Variants in KIF13A observed in about 807,000 individuals in gnomAD.
The protein encoded by KIF13A is kinesin-like protein KIF13A.
A neutral mutation model predicts 212.2 loss-of-function variants in KIF13A; 79 were observed. The observed-to-expected ratio is 0.37, with a 90% confidence interval of 0.31 to 0.45. KIF13A has a LOEUF of 0.45. Ranked by LOEUF, KIF13A falls within the 20% of genes least tolerant of loss-of-function variation. KIF13A has a pLI of 1.00. For missense variants in KIF13A, 1,901 were observed against 2,209.0 expected (o/e 0.86, Z 2.79); for synonymous variants, 789 against 808.6 (o/e 0.98, Z 0.41).
intron 20 of KIF13A, among the ~76,000 whole-genome samples, chr6:17,803,082 C>T (rs1294361613): frequency 6.6e-6 from 1 of 151,774 alleles, no homozygotes; most frequent in Non-Finnish European, 1.5e-5. Flanking sequence ...TACAGGTGCC[C>T]GCCACTAAGC....
intron 18 of KIF13A, among the ~76,000 whole-genome samples, chr6:17,806,497 C>A (rs1302037923): frequency 6.6e-6 from 1 of 152,182 alleles, no homozygotes; most frequent in African/African-American, 2.4e-5. Flanking sequence ...CATTTTCTAG[C>A]TTGCTTGCTG....
chr6:17,826,664 T>C lies in KIF13A; in HGVS notation c.1533-540A>G, dbSNP rs1471740240. The stretch of plus-strand genomic sequence containing the variant: ...GTTAAAAGAGATCTAAGAGGAATAC[T>C]ATAAAACAATGGTAGGATCTTATCT... On this transcript the variant is annotated intron_variant, in intron 14 of 38. Transcript: ENST00000259711. This position sits in a 1 kb window ranked among gnomAD's most constrained non-coding sequence, Gnocchi z 4.7. 1.3e-5 allele frequency among the ~76,000 whole-genome samples: 2 copies of C among 152,056 alleles called. No homozygotes were observed. Among genetic ancestry groups the C allele is most frequent in the East Asian group, 1.9e-4 (1 of 5,190 alleles).
chr6:17,761,573 G>C (rs1203313639), downstream of KIF13A, among the ~76,000 whole-genome samples: 1 of 152,042 alleles, frequency 6.6e-6, no homozygotes, highest in Non-Finnish European at 1.5e-5. Flanking sequence ...AGTAGAGACA[G>C]GGTTTCTCCA....
chr6:17,804,837 A>AAAAAAAAAAAAAAAAAC (rs1762801269), intron 19 of KIF13A, among the ~76,000 whole-genome samples: 1 of 143,620 alleles, frequency 7.0e-6, no homozygotes, highest in Non-Finnish European at 1.5e-5. Context: ...AAAAAAAAAA[A>AAAAAAAAAAAAAAAAAC]AAAAAAAAGA....
rs778625971 is a variant in KIF13A at position 17,786,101 on chromosome 6, G to C, written c.3362-460C>G. ...CTGCAAGCCAGAAATAGCAGAAAGA[G>C]CATTGGAACAGCAATTATGAGACTG... On this transcript the variant is annotated intron_variant, in intron 27 of 38. Coordinates refer to ENST00000259711, the MANE Select transcript of KIF13A (RefSeq NM_022113.6). The surrounding 1 kb of genome is among the most constrained non-coding windows in gnomAD (Gnocchi z 5.4). 2.2e-4 allele frequency among the ~76,000 whole-genome samples: 33 copies of C among 152,192 alleles called. No homozygotes were observed. Among genetic ancestry groups the C allele is most frequent in the Admixed American group, 6.5e-4 (10 of 15,276 alleles).
At chr6:17,822,632 G>A (rs935703179) in intron 16 of KIF13A, among the ~76,000 whole-genome samples, 3 of 152,208 alleles carry the variant, frequency 2.0e-5, no homozygotes, top group African/African-American at 7.2e-5. Flanking sequence ...TTAGCGACTA[G>A]AGATGTCTAG....
At position 17,967,673 on chromosome 6, in the gene KIF13A, C is replaced by G. The variant is rs1779444166; in HGVS notation, c.146+19381G>C. ...TAAGCTGCTCCCCATCTTTTACTCT[C>G]CAAAGGAAAGACCTGCAGTGTTAGG... On this transcript the variant is annotated intron_variant, in intron 2 of 38. Transcript: ENST00000259711. The surrounding 1 kb of genome is among the most constrained non-coding windows in gnomAD (Gnocchi z 4.1). 6.6e-6 allele frequency among the ~76,000 whole-genome samples: 1 copy of G among 152,178 alleles called. No individual in the cohort carries two copies. The highest frequency in any genetic ancestry group is 1.5e-5 in the Non-Finnish European group (1 of 68,026).
chr6:17,948,660 C>CA (rs1467188840), intron 2 of KIF13A, among the ~76,000 whole-genome samples: 3 of 139,208 alleles, frequency 2.2e-5, no homozygotes, highest in Non-Finnish European at 4.5e-5. Context: ...CCTCCAGGTT[C>CA]AAGCGATTCT....
chr6:17,824,159 G>A (rs1455175855), intron 16 of KIF13A, among the ~76,000 whole-genome samples: 1 of 150,316 alleles, frequency 6.7e-6, no homozygotes, highest in Non-Finnish European at 1.5e-5. Flanking sequence ...CTGCCCACCT[G>A]GGCCTCCCAA....
At chr6:17,924,347 G>A (rs79202714) in intron 2 of KIF13A, among the ~76,000 whole-genome samples, 5,317 of 152,208 alleles carry the variant, frequency 0.035, 321 homozygotes, top group African/African-American at 0.12. Flanking sequence ...ATCTCTAGTC[G>A]TGGACTTGAA....
At chr6:17,833,614 G>C (rs1020857055) in intron 12 of KIF13A, among the ~76,000 whole-genome samples, 1 of 151,892 alleles carries the variant, frequency 6.6e-6, no homozygotes, top group Non-Finnish European at 1.5e-5. Context: ...CCAGCACTTT[G>C]GGAGGCTGCG....
intron 38 of KIF13A, among the ~76,000 whole-genome samples, chr6:17,765,435 T>C (rs369710813): frequency 6.6e-6 from 1 of 152,188 alleles, no homozygotes; most frequent in African/African-American, 2.4e-5. Flanking sequence ...TTCTCAGCTA[T>C]TTTATGGGGG....
chr6:17,766,338 C>T (rs761937776), intron 38 of KIF13A, among the ~76,000 whole-genome samples: 5 of 151,730 alleles, frequency 3.3e-5, no homozygotes, highest in Non-Finnish European at 5.9e-5. Context: ...CTCCCAGGTT[C>T]AAGCAATTCT....
Position 17,855,606 on chromosome 6 carries a change from A to G in KIF13A, c.325T>C (p.Ser109Pro). The change falls in exon 6 of 39, where the codon TCC becomes CCC. Residue 109 changes from serine (S) to proline (P), a missense_variant. Physicochemically the swap from Ser to Pro is moderately conservative, Grantham distance 74. Around this residue, in one of 5 missense-constraint regions of KIF13A, gnomAD observed 506 missense variants for 637.4 expected, o/e 0.79. Coordinates refer to ENST00000259711, the MANE Select transcript of KIF13A (RefSeq NM_022113.6). This position sits in a 1 kb window ranked among gnomAD's most constrained non-coding sequence, Gnocchi z 4.1. ...FAYGQTGSGKSFSMMGHAEQL... is the reference protein window; with the variant it reads ...FAYGQTGSGKPFSMMGHAEQL... ...TCAGCATGGCCCATCATGGAAAAGG[A>G]TTTTCCCGAACCTGGAGAACAGCAA... The G allele has an allele frequency of 6.2e-7, 1 of 1,600,696 alleles. No individual in the cohort carries two copies. The highest frequency in any genetic ancestry group is 8.5e-7 in the Non-Finnish European group (1 of 1,176,394).
chr6:17,771,804 G>A lies in KIF13A; in HGVS notation c.4476+104C>T, dbSNP rs1486545471. On this transcript the variant is annotated intron_variant, in intron 37 of 38. Transcript: ENST00000259711. The surrounding 1 kb of genome is among the most constrained non-coding windows in gnomAD (Gnocchi z 5.4). Reference sequence around the variant, plus strand: ...GAACGGGAACCATGGAGTGATGACCGTGCATGTCCACATGCAGCACTCAGC... The same window carrying A: ...GAACGGGAACCATGGAGTGATGACCATGCATGTCCACATGCAGCACTCAGC... 1.7e-5 allele frequency: 17 copies of A among 1,010,346 alleles called. No homozygotes were observed. The highest frequency in any genetic ancestry group is 2.4e-5 in the Non-Finnish European group (16 of 663,980). The allele number at this position is 1,010,346 out of a possible 1,614,324, so 62.6% of individuals were successfully genotyped here.
rs1581481554 is a variant in KIF13A at position 17,839,838 on chromosome 6, C to A, written c.831-2255G>T. On this transcript the variant is annotated intron_variant, in intron 9 of 38. Transcript: ENST00000259711. The surrounding 1 kb of genome is among the most constrained non-coding windows in gnomAD (Gnocchi z 4.3). ...CAGAAACAAGGGGAGAGGCATGGAA[C>A]AGATTCTCCCTCTGACCTGCTAAGA... Among the ~76,000 whole-genome samples the A allele has an allele frequency of 2.0e-5, 3 of 152,280 alleles. No homozygotes were observed. The South Asian group carries it at 6.2e-4, about 32-fold the overall frequency.
intron 2 of KIF13A, among the ~76,000 whole-genome samples, chr6:17,925,213 T>G (rs1775397328): frequency 6.6e-6 from 1 of 152,208 alleles, no homozygotes; most frequent in Non-Finnish European, 1.5e-5. Flanking sequence ...AATAGTCTTC[T>G]TTGGGATGTA....
chr6:17,796,872 AT>A lies in KIF13A; in HGVS notation c.2791-53del, dbSNP rs939632830. On this transcript the variant is annotated intron_variant, in intron 22 of 38. Coordinates refer to ENST00000259711, the MANE Select transcript of KIF13A (RefSeq NM_022113.6). ...AATTATGCTTAAAGGAGTCTGTGAA[AT>A]TTCCTTTTGACCTTTCAACTGTTAT... 2.3e-6 allele frequency: 3 copies of A among 1,292,374 alleles called. No individual in the cohort carries two copies. The African/African-American group carries it at 4.6e-5, about 20-fold the overall frequency. 80.1% of individuals were successfully genotyped at this position (1,292,374 alleles called of 1,614,324 possible). A position where few individuals can be genotyped will look rare whatever the true frequency, so the allele number is the denominator to read the frequency against.
At position 17,826,690 on chromosome 6, in the gene KIF13A, G is replaced by A. The variant is rs898622698; in HGVS notation, c.1533-566C>T. On this transcript the variant is annotated intron_variant, in intron 14 of 38. Transcript: ENST00000259711. The surrounding 1 kb of genome is among the most constrained non-coding windows in gnomAD (Gnocchi z 4.7). Reference sequence around the variant, plus strand: ...ATAAAACAATGGTAGGATCTTATCTGGATCCTAATTTCAAGAAACAACTGA... The same window carrying A: ...ATAAAACAATGGTAGGATCTTATCTAGATCCTAATTTCAAGAAACAACTGA... 1.3e-5 allele frequency among the ~76,000 whole-genome samples: 2 copies of A among 152,096 alleles called. No individual in the cohort carries two copies. The highest frequency in any genetic ancestry group is 2.9e-5 in the Non-Finnish European group (2 of 68,022).
Sources: gnomAD v4.1 joint callset for allele counts (sites outside exome capture counted in the v4.1 genomes callset) on GRCh38, gnomAD v4.1.1 for gene constraint, gnomAD v4.1.1 regional missense constraint, Gnocchi (gnomAD v3.1) non-coding constraint, MANE v1.5 for transcripts, NCBI Gene and HGNC (gene_info 2026-07-23, HGNC 2026-07-21) for gene names.